MYO9A: variants seen among roughly 807,000 people sequenced by gnomAD.
MYO9A encodes the protein unconventional myosin-IXa.
MYO9A carries 103 observed loss-of-function variants against 293.3 expected under a neutral mutation model. The ratio of observed to expected loss-of-function variants is 0.35; its 90% CI spans 0.30 to 0.41. The LOEUF (loss-of-function observed/expected upper bound fraction) is 0.41, where lower values mean the gene tolerates loss of function less well. Among genes scored for constraint, MYO9A ranks in the 10% least tolerant of loss-of-function variants. MYO9A has a pLI of 1.00. For missense variants in MYO9A, 2,685 were observed against 3,033.0 expected (o/e 0.89, Z 2.69); for synonymous variants, 1,001 against 1,035.7 (o/e 0.97, Z 0.64).
chr15:72,053,400 C>T (rs1383241788), intron 1 of MYO9A, among the ~76,000 whole-genome samples: 2 of 149,144 alleles, frequency 1.3e-5, no homozygotes, highest in African/African-American at 2.5e-5. Flanking sequence ...AGTGAGACTC[C>T]GTCTCAAAGA....
chr15:72,117,916 C>T lies in MYO9A; in HGVS notation c.-308G>A, dbSNP rs1384455449. ...GAGCAGGCACATCCCCCGCCGCACC[C>T]CGCCCAGAGAGCACGCGTTGGACCG... On this transcript the variant is annotated 5_prime_UTR_variant, in exon 1 of 42. Coordinates refer to ENST00000356056, the MANE Select transcript of MYO9A (RefSeq NM_006901.4). 2.5e-6 allele frequency: 1 copy of T among 398,554 alleles called. No individual in the cohort carries two copies. Among genetic ancestry groups the T allele is most frequent in the Admixed American group, 4.4e-5 (1 of 22,706 alleles). The allele number at this position is 398,554 out of a possible 1,614,324, so 24.7% of individuals were successfully genotyped here.
chr15:71,843,772 C>T (rs2055268797), intron 39 of MYO9A, among the ~76,000 whole-genome samples: 1 of 152,170 alleles, frequency 6.6e-6, no homozygotes, highest in African/African-American at 2.4e-5. Flanking sequence ...CTCCCAGCCC[C>T]TTTTTGGCTA....
In MYO9A at chr15:71,883,695, T is replaced by C; in HGVS notation, c.5297A>G (p.Gln1766Arg). ...AKMRFWAKGKQGEKKTTRVKP... is the reference protein window; with the variant it reads ...AKMRFWAKGKRGEKKTTRVKP... ...CACTCTGGTAGTCTTCTTCTCCCCT[T>C]GTTTCCCTTTGGCCCAGAATCTCAT... The change falls in exon 28 of 42, where the codon CAA becomes CGA. Residue 1766 changes from glutamine (Q) to arginine (R), a missense_variant. Gln to Arg is a conservative substitution (Grantham distance 43). This residue lies in a region of MYO9A where 1,434 missense variants were observed against 1,497.7 expected (regional missense o/e 0.96). Transcript: ENST00000356056. The C allele has an allele frequency of 6.2e-7, 1 of 1,613,494 alleles. No individual in the cohort carries two copies. Among genetic ancestry groups the C allele is most frequent in the Non-Finnish European group, 8.5e-7 (1 of 1,179,670 alleles).
intron 15 of MYO9A, among the ~76,000 whole-genome samples, chr15:71,941,012 T>G (rs533681933): frequency 6.6e-6 from 1 of 152,226 alleles, no homozygotes; most frequent in South Asian, 2.1e-4. Flanking sequence ...ATGGTTACCA[T>G]TTTTACATCA....
At chr15:72,000,916 T>C (rs2076845326) in intron 8 of MYO9A, among the ~76,000 whole-genome samples, 1 of 152,234 alleles carries the variant, frequency 6.6e-6, no homozygotes, top group African/African-American at 2.4e-5. Context: ...CAATTTTGTA[T>C]GATTAGAAAA....
intron 5 of MYO9A, 41 bp from the exon 6 acceptor site, chr15:72,019,136 T>TTA (rs1426075862): frequency 6.6e-7 from 1 of 1,509,502 alleles, no homozygotes; most frequent in South Asian, 1.1e-5. Context: ...GTAATGGTTA[T>TTA]TATACTCTTC....
rs2058015059 is a variant in MYO9A at position 71,916,463 on chromosome 15, G to A, written c.2592C>T (p.His864=). The change falls in exon 19 of 42, where the codon CAC becomes CAT. Residue 864 remains histidine (H), a synonymous_variant. Coordinates refer to ENST00000356056, the MANE Select transcript of MYO9A (RefSeq NM_006901.4). Reference sequence around the variant, plus strand: ...GATCTTGTAGTGTCAGTCTTGTCAGGTGCTTTAAAGAATTTACTTCTAGCA... The same window carrying A: ...GATCTTGTAGTGTCAGTCTTGTCAGATGCTTTAAAGAATTTACTTCTAGCA... The part of the protein sequence containing the change: ...KHLLEVNSLK[H]LTRLTLQDRI... 8 of 1,610,398 alleles carry A rather than the reference G, an allele frequency of 5.0e-6. No homozygotes were observed. Among genetic ancestry groups the A allele is most frequent in the African/African-American group, 1.3e-5 (1 of 74,654 alleles).
At chr15:72,104,618 A>G (rs895460923) in intron 1 of MYO9A, among the ~76,000 whole-genome samples, 3 of 152,220 alleles carry the variant, frequency 2.0e-5, no homozygotes, top group African/African-American at 7.2e-5. Context: ...AAACGAAGTA[A>G]AAGACAATTT....
At position 72,095,445 on chromosome 15, in the gene MYO9A, G is replaced by A. The variant is rs772233360; in HGVS notation, c.-72+22235C>T. The stretch of plus-strand genomic sequence containing the variant: ...ATAGAAGAAAAGTTGGACACTAGCA[G>A]TGTTGATGCATGAGATTTAAGGAAA... On this transcript the variant is annotated intron_variant, in intron 1 of 41. Transcript: ENST00000356056. 3.2e-5 allele frequency among the ~76,000 whole-genome samples: 3 copies of A among 92,584 alleles called. 1 individual carries two copies. The highest frequency in any genetic ancestry group is 9.8e-5 in the Non-Finnish European group (3 of 30,598). 60.7% of individuals were successfully genotyped at this position (92,584 alleles called of 152,430 possible).
At chr15:72,107,949 T>C (rs2080634147) in intron 1 of MYO9A, among the ~76,000 whole-genome samples, 1 of 152,234 alleles carries the variant, frequency 6.6e-6, no homozygotes, top group Admixed American at 6.5e-5. Context: ...TCTCTTTTAA[T>C]AGGAACTGTT....
At chr15:72,000,088 T>A (rs564647603) in intron 8 of MYO9A, 148 bp from the exon 9 acceptor site, 2 of 549,190 alleles carry the variant, frequency 3.6e-6, no homozygotes, top group Non-Finnish European at 6.1e-6. Flanking sequence ...GCAATTTTAA[T>A]ACTGGCCAAA....
At chr15:72,116,122 C>T (rs1167796836) in intron 1 of MYO9A, among the ~76,000 whole-genome samples, 2 of 152,118 alleles carry the variant, frequency 1.3e-5, no homozygotes, top group Non-Finnish European at 2.9e-5. Context: ...AAAGGATACA[C>T]ATGAAGCTGG....
chr15:71,923,060 G>T (rs181891654), intron 18 of MYO9A, among the ~76,000 whole-genome samples: 1 of 152,204 alleles, frequency 6.6e-6, no homozygotes, highest in East Asian at 1.9e-4. Flanking sequence ...CATCTGTTCT[G>T]TCTATATCAT....
chr15:72,022,376 T>C (rs1185064638), intron 4 of MYO9A, among the ~76,000 whole-genome samples: 1 of 151,894 alleles, frequency 6.6e-6, no homozygotes, highest in African/African-American at 2.4e-5. Context: ...AAAAATTAGC[T>C]GGGCATCATG....
intron 12 of MYO9A, among the ~76,000 whole-genome samples, chr15:71,971,664 T>C (rs993193127): frequency 6.6e-6 from 1 of 151,256 alleles, no homozygotes; most frequent in African/African-American, 2.4e-5. Flanking sequence ...CCTTAAGATA[T>C]ATAGGACGGA....
At chr15:71,873,328 C>A (rs1166064259) in intron 32 of MYO9A, among the ~76,000 whole-genome samples, 1 of 152,100 alleles carries the variant, frequency 6.6e-6, no homozygotes, top group Non-Finnish European at 1.5e-5. Context: ...AATCATTTCC[C>A]AATCTATTTA....
intron 1 of MYO9A, among the ~76,000 whole-genome samples, chr15:72,109,699 G>C (rs1031421260): frequency 6.6e-6 from 1 of 152,002 alleles, no homozygotes; most frequent in Admixed American, 6.6e-5. Flanking sequence ...GACCAGTCTG[G>C]CCAATATGGT....
At chr15:72,011,762 G>C (rs951192381) in intron 6 of MYO9A, among the ~76,000 whole-genome samples, 5 of 152,218 alleles carry the variant, frequency 3.3e-5, no homozygotes, top group Middle Eastern at 3.4e-3. Flanking sequence ...ACAGTCCCTT[G>C]CACTTTCAAA....
chr15:71,934,009 A>G (rs922154193), intron 17 of MYO9A, among the ~76,000 whole-genome samples: 2 of 152,132 alleles, frequency 1.3e-5, no homozygotes, highest in African/African-American at 4.8e-5. Context: ...TTCAGTTGTT[A>G]GTAGTTTCTT....
Sources: gnomAD v4.1 joint callset for allele counts (sites outside exome capture counted in the v4.1 genomes callset) on GRCh38, gnomAD v4.1.1 for gene constraint, gnomAD v4.1.1 regional missense constraint, MANE v1.5 for transcripts, NCBI Gene and HGNC (gene_info 2026-07-23, HGNC 2026-07-21) for gene names.